The following AGBL4 variants were observed in gnomAD, a reference collection of about 807,000 sequenced individuals.
AGBL4 encodes AGBL carboxypeptidase 4.
Under a neutral mutation model 66.4 loss-of-function variants are expected in AGBL4, and 58 were observed. The ratio of observed to expected loss-of-function variants is 0.87; its 90% CI spans 0.71 to 1.09. AGBL4 has a LOEUF of 1.09. Ranked by LOEUF, AGBL4 falls within the 50% of genes least tolerant of loss-of-function variation. The pLI, the probability that AGBL4 is intolerant of heterozygous loss-of-function variation, is 0.00. For missense variants in AGBL4, 579 were observed against 631.0 expected (o/e 0.92, Z 0.88); for synonymous variants, 234 against 222.9 (o/e 1.05, Z -0.44).
chr1:49,170,707 G>T (rs1169592123), intron 4 of AGBL4, among the ~76,000 whole-genome samples: 2 of 150,400 alleles, frequency 1.3e-5, no homozygotes, highest in African/African-American at 4.9e-5. Flanking sequence ...TGACTATTTT[G>T]AGAACATTTA....
chr1:49,189,743 G>T (rs548049804), intron 4 of AGBL4, among the ~76,000 whole-genome samples: 87 of 152,226 alleles, frequency 5.7e-4, no homozygotes, highest in African/African-American at 2.1e-3. Context: ...ATAATGCTTT[G>T]CTTGCTGAGA....
At chr1:49,350,022 C>T (rs1360721988) in intron 3 of AGBL4, among the ~76,000 whole-genome samples, 1 of 152,148 alleles carries the variant, frequency 6.6e-6, no homozygotes, top group Non-Finnish European at 1.5e-5. Flanking sequence ...AAACTTCCAT[C>T]ATTTATGCCA....
chr1:48,960,130 G>A (rs768846876), intron 5 of AGBL4, among the ~76,000 whole-genome samples: 12 of 152,286 alleles, frequency 7.9e-5, no homozygotes, highest in Non-Finnish European at 1.5e-4. Context: ...TATAATGATG[G>A]TTTGGGACAA....
Position 49,245,717 on chromosome 1 carries a change from GT to G in AGBL4, c.377+52del, listed in dbSNP as rs1274193746. 2.2e-6 allele frequency: 3 copies of G among 1,374,880 alleles called. No individual in the cohort carries two copies. In the East Asian group the frequency reaches 7.5e-5, roughly 34 times the overall value. 85.2% of individuals were successfully genotyped at this position (1,374,880 alleles called of 1,614,324 possible). On this transcript the variant is annotated intron_variant, in intron 4 of 13. Transcript: ENST00000371839. Reference sequence around the variant, plus strand: ...ATTAGTAGGTGTGTATATGTATGGGGTCTGGGACAAATTTTCTAACCAGGAA... The same window carrying G: ...ATTAGTAGGTGTGTATATGTATGGGGCTGGGACAAATTTTCTAACCAGGAA...
At chr1:49,759,791 G>A (rs577406120) in intron 2 of AGBL4, among the ~76,000 whole-genome samples, 92 of 152,308 alleles carry the variant, frequency 6.0e-4, no homozygotes, top group African/African-American at 1.7e-3. Context: ...CACAAAGTGA[G>A]ATACTGATAC....
At chr1:49,040,725 G>A (rs1398354656) in intron 5 of AGBL4, among the ~76,000 whole-genome samples, 1 of 152,060 alleles carries the variant, frequency 6.6e-6, no homozygotes, top group Non-Finnish European at 1.5e-5. Context: ...GAAATGTTCA[G>A]AAATGGCAAA....
chr1:48,574,988 C>A (rs191547992), intron 11 of AGBL4, among the ~76,000 whole-genome samples: 1 of 152,246 alleles, frequency 6.6e-6, no homozygotes, highest in African/African-American at 2.4e-5. Flanking sequence ...CTAAGATGAC[C>A]ATGTCCTACA....
intron 3 of AGBL4, among the ~76,000 whole-genome samples, chr1:49,543,157 C>A (rs551855528): frequency 6.6e-6 from 1 of 152,146 alleles, no homozygotes; most frequent in East Asian, 1.9e-4. Flanking sequence ...TAGTCTACAC[C>A]TCTAATCCAT....
chr1:48,779,333 T>C (rs984335481), intron 6 of AGBL4, among the ~76,000 whole-genome samples: 1 of 152,212 alleles, frequency 6.6e-6, no homozygotes, highest in Non-Finnish European at 1.5e-5. Flanking sequence ...TTTCCAAAGA[T>C]AGCATGTTTT....
At chr1:48,791,492 G>A (rs1178358119) in intron 6 of AGBL4, among the ~76,000 whole-genome samples, 1 of 152,080 alleles carries the variant, frequency 6.6e-6, no homozygotes, top group Non-Finnish European at 1.5e-5. Context: ...GCCAAAGAAT[G>A]AGCCCAACCC....
intron 8 of AGBL4, among the ~76,000 whole-genome samples, chr1:48,644,576 T>G (rs1645805964): frequency 6.6e-6 from 1 of 151,928 alleles, no homozygotes; most frequent in African/African-American, 2.4e-5. Context: ...GAAGAAACAG[T>G]TAAAAGGCTT....
intron 4 of AGBL4, among the ~76,000 whole-genome samples, chr1:49,238,307 G>T (rs1650947443): frequency 6.6e-6 from 1 of 152,134 alleles, no homozygotes; most frequent in African/African-American, 2.4e-5. Context: ...CCAATGGCAT[G>T]AATGCTATAA....
At chr1:48,573,128 T>A (rs189893777) in intron 11 of AGBL4, among the ~76,000 whole-genome samples, 62 of 152,308 alleles carry the variant, frequency 4.1e-4, no homozygotes, top group Admixed American at 2.9e-3. Flanking sequence ...TTCTGTCCAA[T>A]AGAGCAACAT....
intron 4 of AGBL4, among the ~76,000 whole-genome samples, chr1:49,204,227 G>C (rs1176051288): frequency 6.6e-6 from 1 of 152,062 alleles, no homozygotes; most frequent in Non-Finnish European, 1.5e-5. Context: ...ATGTAAAGGA[G>C]TATAACCTTT....
chr1:48,742,576 G>C (rs752270772), intron 6 of AGBL4: 8 of 1,455,430 alleles, frequency 5.5e-6, no homozygotes, highest in Non-Finnish European at 7.3e-6. Flanking sequence ...CCTTTACTCT[G>C]ACTAACAAAC....
chr1:48,619,214 C>T (rs1645368890), intron 9 of AGBL4, among the ~76,000 whole-genome samples: 1 of 152,186 alleles, frequency 6.6e-6, no homozygotes, highest in East Asian at 1.9e-4. Flanking sequence ...TGGCATTTTA[C>T]TGATGTATTA....
At chr1:48,768,252 A>C (rs1485691300) in intron 6 of AGBL4, among the ~76,000 whole-genome samples, 1 of 152,174 alleles carries the variant, frequency 6.6e-6, no homozygotes, top group Non-Finnish European at 1.5e-5. Flanking sequence ...CTAAGAGAAT[A>C]CTGTGATGAA....
intron 3 of AGBL4, among the ~76,000 whole-genome samples, chr1:49,557,624 T>C (rs572671893): frequency 6.6e-6 from 1 of 152,110 alleles, no homozygotes; most frequent in Non-Finnish European, 1.5e-5. Context: ...TCCAGTGGTC[T>C]CAACTTGAGT....
chr1:49,957,265 T>A (rs1181377931), intron 1 of AGBL4, among the ~76,000 whole-genome samples: 1 of 152,066 alleles, frequency 6.6e-6, no homozygotes, highest in Non-Finnish European at 1.5e-5. Flanking sequence ...TTGCTAGGAC[T>A]GCTTTACCTC....
Sources: allele counts gnomAD v4.1 joint callset (sites outside exome capture counted in the v4.1 genomes callset), GRCh38; gene constraint gnomAD v4.1.1; transcripts MANE v1.5; gene names NCBI Gene and HGNC (gene_info 2026-07-23, HGNC 2026-07-21).